Variants in CNOT1 observed in about 807,000 individuals in gnomAD.
CNOT1 encodes the protein CCR4-associated factor 1.
A neutral mutation model predicts 273.8 loss-of-function variants in CNOT1; 15 were observed. The observed-to-expected ratio is 0.05, with a 90% CI of 0.04 to 0.08. The LOEUF is 0.08. Among genes scored for constraint, CNOT1 ranks in the 10% least tolerant of loss-of-function variants. CNOT1 has a pLI of 1.00. For synonymous variants in CNOT1, 1,022 were observed against 1,005.5 expected (o/e 1.02, Z -0.31); for missense variants, 1,644 against 2,912.2 (o/e 0.56, Z 10.02).
chr16:58,532,614 G>A, intron 40 of CNOT1: 1 of 714,812 alleles, frequency 1.4e-6, no homozygotes, highest in Non-Finnish European at 2.1e-6. Context: ...AACATCCTTG[G>A]ACCACACCTG....
intron 7 of CNOT1, 22 bp downstream of exon 7, chr16:58,586,523 T>C (rs748616873): frequency 1.4e-5 from 22 of 1,602,662 alleles, no homozygotes; most frequent in Admixed American, 3.4e-5. Context: ...CCACCCACTG[T>C]AGGCTACAAA....
At chr16:58,574,176 T>C (rs576778592) in intron 16 of CNOT1, among the ~76,000 whole-genome samples, 1 of 151,560 alleles carries the variant, frequency 6.6e-6, no homozygotes, top group Admixed American at 6.6e-5. Context: ...ACTTGGGAGG[T>C]TGAGGTGGGA....
chr16:58,576,615 C>T, intron 13 of CNOT1, 33 bp from the exon 14 acceptor site: 3 of 1,612,932 alleles, frequency 1.9e-6, no homozygotes, highest in African/African-American at 1.3e-5. Context: ...AATAGCAATA[C>T]TGCTAAACAC....
At chr16:58,575,276 A>G (rs1597490154) in intron 14 of CNOT1, 147 bp from the exon 15 acceptor site, 1 of 1,167,730 alleles carries the variant, frequency 8.6e-7, no homozygotes, top group East Asian at 2.7e-5. Flanking sequence ...AGCTAAGCAC[A>G]ATTCAGGGGT....
chr16:58,595,012 G>A (rs912308123), intron 2 of CNOT1, among the ~76,000 whole-genome samples: 2 of 151,746 alleles, frequency 1.3e-5, no homozygotes, highest in South Asian at 4.2e-4. Flanking sequence ...CTACTTGGGA[G>A]GCTGAGGCAG....
chr16:58,525,413 C>A, intron 45 of CNOT1, 54 bp from the exon 46 acceptor site: 1 of 1,479,286 alleles, frequency 6.8e-7, no homozygotes, highest in South Asian at 1.2e-5. Flanking sequence ...AGGACCAATT[C>A]TAGCACCAGT....
chr16:58,575,439 C>CA (rs2041424394), intron 14 of CNOT1, among the ~76,000 whole-genome samples: 4 of 151,976 alleles, frequency 2.6e-5, no homozygotes. Context: ...ACCCATTTTT[C>CA]AAAATCTAAA....
intron 1 of CNOT1, among the ~76,000 whole-genome samples, chr16:58,601,734 T>TA (rs66711143): frequency 0.088 from 8,071 of 91,418 alleles, 792 homozygotes; most frequent in South Asian, 0.21. Flanking sequence ...ATACCCACCT[T>TA]AAAAAAAAAA....
chr16:58,539,466 T>TACACACACACACACACACACAC (rs55998166), intron 35 of CNOT1, among the ~76,000 whole-genome samples: 1 of 145,678 alleles, frequency 6.9e-6, no homozygotes. Flanking sequence ...CCCTGTCTCT[T>TACACACACACACACACACACAC]ACACACACAC....
intron 2 of CNOT1, among the ~76,000 whole-genome samples, chr16:58,591,203 C>T (rs1437427164): frequency 7.2e-5 from 11 of 151,974 alleles, no homozygotes; most frequent in Admixed American, 7.2e-4. Flanking sequence ...AATCAGAGGG[C>T]CAGATCATGG....
At chr16:58,541,181 G>C (rs2151915229) in intron 34 of CNOT1, among the ~76,000 whole-genome samples, 1 of 151,974 alleles carries the variant, frequency 6.6e-6, no homozygotes, top group East Asian at 1.9e-4. Flanking sequence ...CTCCAGCCTG[G>C]GTGACAGAGA....
At chr16:58,535,764 C>T (rs1055424622) in intron 39 of CNOT1, among the ~76,000 whole-genome samples, 26 of 151,566 alleles carry the variant, frequency 1.7e-4, no homozygotes, top group Admixed American at 3.9e-4. Context: ...GACGGAGCCT[C>T]GCTCTGTCGC....
chr16:58,555,333 A>G lies in CNOT1; in HGVS notation c.2809T>C (p.Tyr937His). The G allele has an allele frequency of 6.2e-7, 1 of 1,614,206 alleles. No homozygotes were observed. The highest frequency in any genetic ancestry group is 8.5e-7 in the Non-Finnish European group (1 of 1,180,038). ...TYMALGLALRYVLEALRKPFG... is the reference protein window; with the variant it reads ...TYMALGLALRHVLEALRKPFG... ...GGCTTGCGTAAGGCTTCAAGAACATATCGTAGAGCCAGACCTAGTGCCATG... is the reference window on the plus strand; with the variant it reads ...GGCTTGCGTAAGGCTTCAAGAACATGTCGTAGAGCCAGACCTAGTGCCATG... The change falls in exon 21 of 49, where the codon TAT (tyrosine) becomes CAT (histidine). Residue 937 changes from tyrosine (Y) to histidine (H), a missense_variant. By Grantham distance (83) the Tyr-to-His change is moderately conservative. Coordinates refer to ENST00000317147, the MANE Select transcript of CNOT1 (RefSeq NM_016284.5).
intron 2 of CNOT1, among the ~76,000 whole-genome samples, chr16:58,594,641 TAAAAAC>T: frequency 6.7e-6 from 1 of 149,678 alleles, no homozygotes; most frequent in East Asian, 2.0e-4. Flanking sequence ...CCACCTCTCT[TAAAAAC>T]AAAAATAAGC....
rs71155275 is a variant in CNOT1, at chr16:58,523,305, GAA to G, written c.6917+63_6917+64del. 7.5e-6 allele frequency: 10 copies of G among 1,340,008 alleles called. No individual in the cohort carries two copies. The East Asian group carries it at 8.0e-5, about 11-fold the overall frequency. 83.0% of individuals were successfully genotyped at this position (1,340,008 alleles called of 1,614,324 possible). On this transcript the variant is annotated intron_variant, in intron 47 of 48. Coordinates refer to ENST00000317147, the MANE Select transcript of CNOT1 (RefSeq NM_016284.5). ...CACTGAACACTGAAAGCATAAAGAGGAAAAAAAAAAGATGAAAGGGAGGAGAT... is the reference window on the plus strand; with the variant it reads ...CACTGAACACTGAAAGCATAAAGAGGAAAAAAAAGATGAAAGGGAGGAGAT...
At chr16:58,528,326 A>C in intron 44 of CNOT1, 149 bp downstream of exon 44, 1 of 670,902 alleles carries the variant, frequency 1.5e-6, no homozygotes, top group South Asian at 1.7e-5. Flanking sequence ...ACCTTCTATC[A>C]GGCTTAATAA....
chr16:58,627,920 C>A (rs758052508), intron 1 of CNOT1, among the ~76,000 whole-genome samples: 3 of 152,172 alleles, frequency 2.0e-5, no homozygotes, highest in Non-Finnish European at 4.4e-5. Flanking sequence ...CTCCGCCTCC[C>A]GGGTTCAAGC....
At chr16:58,573,960 C>A (rs879435364) in intron 16 of CNOT1, among the ~76,000 whole-genome samples, 3 of 151,906 alleles carry the variant, frequency 2.0e-5, no homozygotes, top group Non-Finnish European at 4.4e-5. Context: ...AATTAAGAAA[C>A]CAAAAATAGC....
At chr16:58,621,860 G>A (rs1369619053) in intron 1 of CNOT1, among the ~76,000 whole-genome samples, 6 of 141,794 alleles carry the variant, frequency 4.2e-5, no homozygotes, top group Middle Eastern at 3.7e-3. Flanking sequence ...GCAGTGAGCC[G>A]ACATCGCACC....
Sources: allele counts gnomAD v4.1 joint callset (sites outside exome capture counted in the v4.1 genomes callset), GRCh38; gene constraint gnomAD v4.1.1; transcripts MANE v1.5; gene names NCBI Gene and HGNC (gene_info 2026-07-23, HGNC 2026-07-21).